Variants in RASGRF2 observed in about 807,000 individuals in gnomAD.
RASGRF2 encodes the protein Ras protein specific guanine nucleotide releasing factor 2.
Under a neutral mutation model 151.0 loss-of-function variants are expected in RASGRF2, and 76 were observed. The ratio of observed to expected loss-of-function variants is 0.50; its 90% CI spans 0.42 to 0.61. RASGRF2 has a LOEUF of 0.61. Among genes scored for constraint, RASGRF2 ranks in the 20% least tolerant of loss-of-function variants. The probability of loss-of-function intolerance (pLI) is 0.00; values close to 1 mark genes in which losing one functional copy is unlikely to be tolerated. For missense variants in RASGRF2, 1,148 were observed against 1,564.6 expected, an observed-to-expected ratio of 0.73 and a Z score of 4.49; for synonymous variants, 504 against 566.5, an observed-to-expected ratio of 0.89 and a Z score of 1.57.
intron 1 of RASGRF2, among the ~76,000 whole-genome samples, chr5:80,986,515 A>G (rs1339088568): frequency 6.6e-6 from 1 of 152,238 alleles, no homozygotes; most frequent in Non-Finnish European, 1.5e-5. Context: ...TTACTGAAAG[A>G]AGGAAAGTAG....
At chr5:81,016,911 C>T (rs2112327506) in intron 1 of RASGRF2, among the ~76,000 whole-genome samples, 1 of 152,158 alleles carries the variant, frequency 6.6e-6, no homozygotes, top group South Asian at 2.1e-4. Context: ...GAACTGTTTT[C>T]AATATGACTA....
chr5:80,982,600 A>ATTATTATTATTATTG (rs2112241801), intron 1 of RASGRF2, among the ~76,000 whole-genome samples: 1 of 146,840 alleles, frequency 6.8e-6, no homozygotes, highest in South Asian at 2.2e-4. Flanking sequence ...TATTATTATT[A>ATTATTATTATTATTG]TTATTATTAT....
intron 17 of RASGRF2, among the ~76,000 whole-genome samples, chr5:81,132,258 A>C (rs1050287849): frequency 3.3e-5 from 5 of 152,242 alleles, no homozygotes; most frequent in African/African-American, 1.2e-4. Flanking sequence ...TTACCGAATT[A>C]ATGAATCAAT....
intron 13 of RASGRF2, among the ~76,000 whole-genome samples, chr5:81,111,901 T>C (rs539165074): frequency 3.7e-4 from 57 of 152,350 alleles, no homozygotes; most frequent in African/African-American, 1.3e-3. Context: ...CAGTGATATC[T>C]GTGTCCCCCT....
Position 80,961,139 on chromosome 5 carries a change from CG to C in RASGRF2, c.288+114del, listed in dbSNP as rs200904270. On this transcript the variant is annotated intron_variant, in intron 1 of 26. Coordinates refer to ENST00000265080, the MANE Select transcript of RASGRF2 (RefSeq NM_006909.3). ...GTGAAAGAGTGCGGGGACTATGCTCCGAAATCCCCCCGCGTCACCAGTGGCG... is the reference window on the plus strand; with the variant it reads ...GTGAAAGAGTGCGGGGACTATGCTCCAAATCCCCCCGCGTCACCAGTGGCG... 7.6e-4 allele frequency: 916 copies of C among 1,201,776 alleles called. 10 individuals are homozygous for C. In the East Asian group the frequency reaches 0.021, roughly 28 times the overall value. The allele number at this position is 1,201,776 out of a possible 1,614,324, so 74.4% of individuals were successfully genotyped here.
chr5:81,033,649 A>G (rs1457090426), intron 1 of RASGRF2, among the ~76,000 whole-genome samples: 5 of 151,728 alleles, frequency 3.3e-5, no homozygotes, highest in Middle Eastern at 6.4e-3. Context: ...AAATTAATTC[A>G]AGATGGATTA....
At chr5:81,151,781 G>T (rs1413565391) in intron 17 of RASGRF2, among the ~76,000 whole-genome samples, 2 of 152,134 alleles carry the variant, frequency 1.3e-5, no homozygotes, top group Non-Finnish European at 2.9e-5. Context: ...AAGCAACTTG[G>T]ACCATATCCA....
intron 17 of RASGRF2, among the ~76,000 whole-genome samples, chr5:81,152,515 C>A (rs1754162284): frequency 6.6e-6 from 1 of 151,800 alleles, no homozygotes; most frequent in Admixed American, 6.5e-5. Context: ...ATATTACTCC[C>A]TTCCTACCAC....
intron 17 of RASGRF2, among the ~76,000 whole-genome samples, chr5:81,127,796 C>T (rs886638711): frequency 6.6e-6 from 1 of 151,664 alleles, no homozygotes; most frequent in Non-Finnish European, 1.5e-5. Context: ...TGGTGTCATA[C>T]ATCTGTAATT....
At chr5:81,073,564 G>A in intron 5 of RASGRF2, 112 bp downstream of exon 5, 2 of 1,137,728 alleles carry the variant, frequency 1.8e-6, no homozygotes, top group Non-Finnish European at 2.3e-6. Flanking sequence ...ATTAGTTTAT[G>A]ATAGTAAAAA....
chr5:81,120,559 G>A (rs1026428592), intron 15 of RASGRF2, among the ~76,000 whole-genome samples: 7 of 152,006 alleles, frequency 4.6e-5, no homozygotes, highest in African/African-American at 1.7e-4. Flanking sequence ...TTCCAGCCTG[G>A]GTCACAGAGT....
At chr5:81,105,266 C>A (rs762869694) in intron 12 of RASGRF2, among the ~76,000 whole-genome samples, 14 of 152,086 alleles carry the variant, frequency 9.2e-5, no homozygotes, top group Non-Finnish European at 1.6e-4. Context: ...ATTTTCAGAC[C>A]CAATTCCTGT....
At position 81,097,727 on chromosome 5, in the gene RASGRF2, G is replaced by A. The variant is rs569373025; in HGVS notation, c.1755+2735G>A. ...ACTGTAAAGTAGGAGGATGCTGCAT[G>A]TTTCAAGGAATACCATGAAAGGCAG... On this transcript the variant is annotated intron_variant, in intron 12 of 26. Transcript: ENST00000265080. Among the ~76,000 whole-genome samples the A allele has an allele frequency of 6.6e-5, 10 of 152,210 alleles. No homozygotes were observed. The South Asian group carries it at 1.9e-3, about 28-fold the overall frequency.
At chr5:80,998,833 G>A (rs1748983729) in intron 1 of RASGRF2, among the ~76,000 whole-genome samples, 1 of 152,190 alleles carries the variant, frequency 6.6e-6, no homozygotes, top group Admixed American at 6.5e-5. Context: ...TGGGGAGAGT[G>A]AGCTTGAGGT....
At chr5:81,200,852 G>A (rs1261052458) in intron 18 of RASGRF2, among the ~76,000 whole-genome samples, 2 of 152,136 alleles carry the variant, frequency 1.3e-5, no homozygotes, top group East Asian at 3.9e-4. Context: ...GTATGGAGGC[G>A]GCATAGTGTT....
chr5:80,966,091 G>T (rs1437542498), intron 1 of RASGRF2, among the ~76,000 whole-genome samples: 3 of 151,766 alleles, frequency 2.0e-5, no homozygotes, highest in African/African-American at 7.2e-5. Flanking sequence ...GTTTGTGTGT[G>T]TGTGTGTGTG....
chr5:81,010,794 C>T (rs1257493543), intron 1 of RASGRF2, among the ~76,000 whole-genome samples: 1 of 152,212 alleles, frequency 6.6e-6, no homozygotes. Flanking sequence ...GGTAAGTGCC[C>T]TTCCTAATCC....
At chr5:81,184,324 T>C (rs920303511) in intron 18 of RASGRF2, among the ~76,000 whole-genome samples, 15 of 152,232 alleles carry the variant, frequency 9.9e-5, no homozygotes, top group Non-Finnish European at 2.2e-4. Flanking sequence ...TGTAGTGCTA[T>C]TAACCACATG....
At chr5:80,962,926 C>A (rs562478209) in intron 1 of RASGRF2, among the ~76,000 whole-genome samples, 13 of 152,208 alleles carry the variant, frequency 8.5e-5, no homozygotes, top group African/African-American at 3.1e-4. Context: ...AAATTAGAAT[C>A]TTTGGTGTTT....
Sources: allele counts gnomAD v4.1 joint callset (sites outside exome capture counted in the v4.1 genomes callset), GRCh38; gene constraint gnomAD v4.1.1; transcripts MANE v1.5; gene names NCBI Gene and HGNC (gene_info 2026-07-23, HGNC 2026-07-21).